The following GIN1 variants were observed in gnomAD, a reference collection of about 807,000 sequenced individuals.
GIN1 encodes the protein gypsy retrotransposon integrase 1.
A neutral mutation model predicts 51.4 loss-of-function variants in GIN1; 41 were observed. That is an observed-to-expected ratio of 0.80 (90% CI 0.62 to 1.04). GIN1 has a LOEUF of 1.04. Among genes scored for constraint, GIN1 ranks in the 50% least tolerant of loss-of-function variants. The pLI is 0.00. For synonymous variants in GIN1, 222 were observed against 206.5 expected, an observed-to-expected ratio of 1.07 and a Z score of -0.64; for missense variants, 610 against 612.4, an observed-to-expected ratio of 1.00 and a Z score of 0.04.
chr5:103,088,109 A>G lies in GIN1; in HGVS notation c.1358T>C (p.Ile453Thr), dbSNP rs1787130980. The part of the protein sequence containing the change: ...ADHDYIGLPE[I>T]PIGAYQANIL... ...ATTTGCTTGATATGCTCCAATCGGAATTTCAGGCAATCCAATGTAGTCATG... is the reference window on the plus strand; with the variant it reads ...ATTTGCTTGATATGCTCCAATCGGAGTTTCAGGCAATCCAATGTAGTCATG... The change falls in exon 8 of 8, where the codon ATT (isoleucine) becomes ACT (threonine). Residue 453 changes from isoleucine to threonine, a missense_variant. Transcript: ENST00000399004. 1 of 1,609,742 alleles carries G rather than the reference A, an allele frequency of 6.2e-7. No homozygotes were observed. The highest frequency in any genetic ancestry group is 1.7e-5 in the Admixed American group (1 of 59,880).
chr5:103,105,535 T>C (rs934569319), intron 3 of GIN1, among the ~76,000 whole-genome samples: 1 of 152,216 alleles, frequency 6.6e-6, no homozygotes, highest in African/African-American at 2.4e-5. Flanking sequence ...TTCATTCATA[T>C]AAAATGTATA....
intron 1 of GIN1, among the ~76,000 whole-genome samples, chr5:103,109,354 T>TA (rs1294346425): frequency 6.6e-6 from 1 of 152,086 alleles, no homozygotes; most frequent in South Asian, 2.1e-4. Flanking sequence ...AAATTACATT[T>TA]AAAAAAAGAT....
At chr5:103,101,003 T>C (rs987553143) in intron 4 of GIN1, among the ~76,000 whole-genome samples, 12 of 152,212 alleles carry the variant, frequency 7.9e-5, no homozygotes, top group Admixed American at 2.6e-4. Flanking sequence ...CTGCAGGTAG[T>C]ACCTAACCCT....
chr5:103,099,309 G>A (rs1787502399), intron 4 of GIN1, among the ~76,000 whole-genome samples: 2 of 151,894 alleles, frequency 1.3e-5, no homozygotes, highest in Non-Finnish European at 2.9e-5. Context: ...ATGTGCTCCA[G>A]CAGCCACGTT....
chr5:103,099,611 T>A (rs1459742468), intron 4 of GIN1, among the ~76,000 whole-genome samples: 2 of 152,182 alleles, frequency 1.3e-5, no homozygotes, highest in Non-Finnish European at 2.9e-5. Context: ...TGCCTAGGAA[T>A]GATCCAGGGA....
rs150987778 is a variant in GIN1 at position 103,086,774 on chromosome 5, C to G, written c.*1124G>C. 9.4e-4 allele frequency: 143 copies of G among 152,342 alleles called. 1 individual carries two copies. Among genetic ancestry groups the G allele is most frequent in the African/African-American group, 3.3e-3 (139 of 41,578 alleles). 9.4% of individuals were successfully genotyped at this position (152,342 alleles called of 1,614,324 possible). A position where few individuals can be genotyped will look rare whatever the true frequency, so the allele number is the denominator to read the frequency against. ...CTTACATAGTTTATTACCTACCAGA[C>G]AGTAAGTCCTTTATAAGAATGAGGT... On this transcript the variant is annotated 3_prime_UTR_variant, in exon 8 of 8. Coordinates refer to ENST00000399004, the MANE Select transcript of GIN1 (RefSeq NM_017676.2).
At chr5:103,108,546 C>G (rs782529005) in intron 2 of GIN1, 23 bp downstream of exon 2, 1 of 1,525,054 alleles carries the variant, frequency 6.6e-7, no homozygotes, top group East Asian at 2.3e-5. Context: ...ACTCAATAAT[C>G]AAAATTTGAA....
At chr5:103,102,155 T>A (rs1554195856) in intron 4 of GIN1, 1 of 152,234 alleles carries the variant, frequency 6.6e-6, no homozygotes, top group Non-Finnish European at 1.5e-5. Context: ...GTTTCTACTT[T>A]AAAAATTAAA....
At chr5:103,095,262 G>A (rs1243699093) in intron 7 of GIN1, among the ~76,000 whole-genome samples, 5 of 152,130 alleles carry the variant, frequency 3.3e-5, no homozygotes, top group Admixed American at 6.6e-5. Context: ...CTAGGAAGCA[G>A]ACACATTAGG....
chr5:103,103,324 C>T (rs780038969), intron 4 of GIN1, among the ~76,000 whole-genome samples: 8 of 152,232 alleles, frequency 5.3e-5, no homozygotes, highest in Non-Finnish European at 8.8e-5. Context: ...AAACTTGTAC[C>T]TGGTTCTCCC....
intron 7 of GIN1, 102 bp downstream of exon 7, chr5:103,096,439 G>A: frequency 1.2e-6 from 1 of 867,780 alleles, no homozygotes; most frequent in South Asian, 1.8e-5. Context: ...TATGAAGAAG[G>A]GAAAAGAAAA....
intron 7 of GIN1, among the ~76,000 whole-genome samples, chr5:103,095,131 C>T (rs1258793012): frequency 6.6e-6 from 1 of 152,160 alleles, no homozygotes; most frequent in African/African-American, 2.4e-5. Context: ...TGTCATATAA[C>T]TTGTTTATAT....
chr5:103,119,486 C>A (rs1384273136), intron 1 of GIN1, among the ~76,000 whole-genome samples: 2 of 152,162 alleles, frequency 1.3e-5, no homozygotes, highest in Non-Finnish European at 2.9e-5. Context: ...AAATGCATTT[C>A]CACTTTAAAA....
chr5:103,087,902 C>A lies in GIN1; in HGVS notation c.1565G>T (p.Ser522Ile). ...TTAAATAAATTTTGGTATTTACTAA[C>A]TTAAGTATTCAAGAACCTGGTTTGA... ...DSSNQVLEYL[S>I] The change falls in exon 8 of 8, where the codon AGT becomes ATT. Residue 522 changes from serine (S) to isoleucine (I), a missense_variant. Coordinates refer to ENST00000399004, the MANE Select transcript of GIN1 (RefSeq NM_017676.2). The A allele has an allele frequency of 2.1e-6, 3 of 1,421,920 alleles. No homozygotes were observed. The highest frequency in any genetic ancestry group is 1.4e-5 in the African/African-American group (1 of 69,648). The allele number at this position is 1,421,920 out of a possible 1,614,324, so 88.1% of individuals were successfully genotyped here.
intron 4 of GIN1, 143 bp from the exon 5 acceptor site, chr5:103,097,924 C>T: frequency 1.8e-6 from 1 of 547,874 alleles, no homozygotes; most frequent in Non-Finnish European, 3.2e-6. Flanking sequence ...GCTCAGTCAC[C>T]CAGGCTGGAG....
At chr5:103,114,482 A>C (rs930311370) in intron 1 of GIN1, among the ~76,000 whole-genome samples, 3 of 152,220 alleles carry the variant, frequency 2.0e-5, no homozygotes, top group Non-Finnish European at 4.4e-5. Context: ...TGACAATATT[A>C]AGCAGGTTCT....
chr5:103,104,394 T>G, intron 4 of GIN1, 147 bp downstream of exon 4: 1 of 545,810 alleles, frequency 1.8e-6, no homozygotes, highest in Non-Finnish European at 3.2e-6. Context: ...ACAACTATCC[T>G]TGTAGTATTT....
At position 103,088,043 on chromosome 5, in the gene GIN1, T is replaced by C; in HGVS notation, c.1424A>G (p.Glu475Gly). ...EDATIGIVDN[E>G]LLTSSKDREL... is the part of the protein sequence containing the mutation. ...ACGATCCTTGCTTGATGTCAGTAATTCATTATCGACTATACCAATAGTTGC... is the reference window on the plus strand; with the variant it reads ...ACGATCCTTGCTTGATGTCAGTAATCCATTATCGACTATACCAATAGTTGC... The change falls in exon 8 of 8, where the codon GAA becomes GGA. Residue 475 changes from glutamate to glycine, a missense_variant. Coordinates refer to ENST00000399004, the MANE Select transcript of GIN1 (RefSeq NM_017676.2). 1 of 1,610,524 alleles carries C rather than the reference T, an allele frequency of 6.2e-7. No homozygotes were observed. The highest frequency in any genetic ancestry group is 8.5e-7 in the Non-Finnish European group (1 of 1,176,950).
chr5:103,104,743 T>C lies in GIN1; in HGVS notation c.437A>G (p.Asp146Gly). The change falls in exon 4 of 8, where the codon GAT becomes GGT. Residue 146 changes from aspartate to glycine, a missense_variant. Asp to Gly is a moderately conservative substitution (Grantham distance 94, BLOSUM62 -1). Transcript: ENST00000399004. ...GCTTGTATGAAAAGGCCCCATCAGATCAACAGTAACTAAACTCCATGGATT... is the reference window on the plus strand; with the variant it reads ...GCTTGTATGAAAAGGCCCCATCAGACCAACAGTAACTAAACTCCATGGATT... Reference protein sequence around the residue: ...VENPWSLVTVDLMGPFHTSNR... With the variant: ...VENPWSLVTVGLMGPFHTSNR... The C allele has an allele frequency of 6.2e-7, 1 of 1,610,702 alleles. No homozygotes were observed. Among genetic ancestry groups the C allele is most frequent in the South Asian group, 1.1e-5 (1 of 91,000 alleles).
Sources: gnomAD v4.1 joint callset for allele counts (sites outside exome capture counted in the v4.1 genomes callset) on GRCh38, gnomAD v4.1.1 for gene constraint, MANE v1.5 for transcripts, NCBI Gene and HGNC (gene_info 2026-07-23, HGNC 2026-07-21) for gene names.